Variants in MARCHF1 observed in about 807,000 individuals in gnomAD.
MARCHF1 encodes membrane associated ring-CH-type finger 1, also known as E3 ubiquitin-protein ligase MARCHF1.
In MARCHF1, 40 loss-of-function variants were observed where a neutral mutation model predicts 54.2. That is an observed-to-expected ratio of 0.74 (90% confidence interval 0.57 to 0.96). The LOEUF is 0.96. Ranked by LOEUF, MARCHF1 falls within the 40% of genes least tolerant of loss-of-function variation. MARCHF1 has a pLI of 0.00. For missense variants in MARCHF1, 586 were observed against 656.5 expected, an observed-to-expected ratio of 0.89 and a Z score of 1.17; for synonymous variants, 236 against 236.3, an observed-to-expected ratio of 1.00 and a Z score of 0.01.
At chr4:163,867,634 A>G (rs903699257) in intron 3 of MARCHF1, among the ~76,000 whole-genome samples, 1 of 151,792 alleles carries the variant, frequency 6.6e-6, no homozygotes, top group African/African-American at 2.4e-5. Context: ...CTTTTTTTGC[A>G]GTAGGCTAAT....
intron 4 of MARCHF1, among the ~76,000 whole-genome samples, chr4:163,727,866 A>T (rs1745710739): frequency 6.6e-6 from 1 of 151,456 alleles, no homozygotes; most frequent in Admixed American, 6.6e-5. Context: ...TTTTAATTTT[A>T]TATAGAGATA....
intron 2 of MARCHF1, among the ~76,000 whole-genome samples, chr4:164,061,781 TA>T (rs1020579010): frequency 6.6e-6 from 1 of 152,122 alleles, no homozygotes; most frequent in African/African-American, 2.4e-5. Flanking sequence ...ACTTGATTGA[TA>T]AAAATAATAA....
intron 4 of MARCHF1, among the ~76,000 whole-genome samples, chr4:163,769,314 C>T (rs1054312155): frequency 3.3e-5 from 5 of 152,118 alleles, no homozygotes; most frequent in Non-Finnish European, 7.4e-5. Flanking sequence ...AATCACTTAG[C>T]TATATGTATC....
chr4:164,014,387 A>G (rs1451568051), intron 2 of MARCHF1, among the ~76,000 whole-genome samples: 1 of 152,166 alleles, frequency 6.6e-6, no homozygotes, highest in Non-Finnish European at 1.5e-5. Context: ...CCATAAAACA[A>G]AAACTTATAA....
At position 163,552,798 on chromosome 4, in the gene MARCHF1, C is replaced by T. The variant is rs184713207; in HGVS notation, c.1192-7055G>A. On this transcript the variant is annotated intron_variant, in intron 8 of 9. Coordinates refer to ENST00000514618, the MANE Select transcript of MARCHF1 (RefSeq NM_001394959.1). ...CCTGTAATCCCAGCACTTTGGGAGG[C>T]CCAGGTGGGCAGATCACGAGGTCAG... is the stretch of plus-strand genomic sequence containing the variant. 9.3e-3 allele frequency among the ~76,000 whole-genome samples: 1,421 copies of T among 151,982 alleles called. 21 individuals carry two copies. The highest frequency in any genetic ancestry group is 0.032 in the African/African-American group (1,343 of 41,450).
rs560517945 is a variant in MARCHF1 at position 163,723,631 on chromosome 4, T to C, written c.112-22768A>G. Among the ~76,000 whole-genome samples, 41 of 152,330 alleles carry C rather than the reference T, an allele frequency of 2.7e-4. 1 individual carries two copies. In the South Asian group the frequency reaches 8.1e-3, roughly 30 times the overall value. On this transcript the variant is annotated intron_variant, in intron 4 of 9. Transcript: ENST00000514618. The stretch of plus-strand genomic sequence containing the variant: ...CCCTGAAGAGTGTTTTCCAACTTGG[T>C]TCCATTCTCCCCATCACTTTCAGGT...
At chr4:164,342,401 A>C (rs1358847628) in intron 1 of MARCHF1, among the ~76,000 whole-genome samples, 2 of 152,076 alleles carry the variant, frequency 1.3e-5, no homozygotes, top group Non-Finnish European at 2.9e-5. Context: ...AACATTATGG[A>C]GGTTCCTCAA....
At chr4:163,930,432 T>C (rs543835195) in intron 3 of MARCHF1, among the ~76,000 whole-genome samples, 73 of 151,246 alleles carry the variant, frequency 4.8e-4, no homozygotes, top group Non-Finnish European at 9.4e-4. Flanking sequence ...GATGTTACCT[T>C]AGGAGTTTGG....
chr4:163,941,965 TTC>T (rs1256342456), intron 3 of MARCHF1, among the ~76,000 whole-genome samples: 3 of 152,198 alleles, frequency 2.0e-5, no homozygotes, highest in Non-Finnish European at 2.9e-5. Flanking sequence ...AAGAACTTTC[TTC>T]TCTGTGTTTA....
At chr4:164,282,767 A>G (rs773096078) in intron 1 of MARCHF1, among the ~76,000 whole-genome samples, 12 of 151,262 alleles carry the variant, frequency 7.9e-5, no homozygotes, top group Non-Finnish European at 1.6e-4. Context: ...AACATGATCA[A>G]CAGGCTCTGC....
At chr4:163,871,027 T>C (rs116345775) in intron 3 of MARCHF1, among the ~76,000 whole-genome samples, 2 of 152,128 alleles carry the variant, frequency 1.3e-5, no homozygotes, top group Non-Finnish European at 2.9e-5. Flanking sequence ...ATATTTGAGG[T>C]GATGAATATA....
intron 1 of MARCHF1, among the ~76,000 whole-genome samples, chr4:164,339,153 A>G (rs992397833): frequency 2.6e-5 from 4 of 152,162 alleles, no homozygotes; most frequent in Non-Finnish European, 5.9e-5. Context: ...CACTTTCAAC[A>G]ACGGATAGAT....
chr4:163,677,839 T>C (rs1475067849), intron 5 of MARCHF1, among the ~76,000 whole-genome samples: 1 of 152,202 alleles, frequency 6.6e-6, no homozygotes, highest in Non-Finnish European at 1.5e-5. Context: ...GAGGAAAAGA[T>C]GTAGCTTTGG....
At chr4:164,346,588 A>T (rs1730104749) in intron 1 of MARCHF1, among the ~76,000 whole-genome samples, 1 of 69,922 alleles carries the variant, frequency 1.4e-5, no homozygotes, top group African/African-American at 4.4e-5. Flanking sequence ...ATGTCCTCAA[A>T]CCTGTATGTA....
intron 4 of MARCHF1, among the ~76,000 whole-genome samples, chr4:163,838,044 C>T (rs1749237132): frequency 6.6e-6 from 1 of 152,028 alleles, no homozygotes; most frequent in Non-Finnish European, 1.5e-5. Context: ...CTATTTGGAA[C>T]CAAGTAATAA....
At chr4:164,212,974 C>T (rs1299992017) in intron 1 of MARCHF1, among the ~76,000 whole-genome samples, 2 of 152,132 alleles carry the variant, frequency 1.3e-5, no homozygotes, top group East Asian at 1.9e-4. Context: ...ATTTTTAAAT[C>T]AGTGTTTTGA....
At chr4:164,057,446 TCTC>T (rs1490036653) in intron 2 of MARCHF1, among the ~76,000 whole-genome samples, 1 of 152,200 alleles carries the variant, frequency 6.6e-6, no homozygotes, top group Non-Finnish European at 1.5e-5. Context: ...GATTTTATAA[TCTC>T]CTTCATGTCT....
chr4:163,843,707 C>T (rs1749405225), intron 4 of MARCHF1, among the ~76,000 whole-genome samples: 1 of 152,002 alleles, frequency 6.6e-6, no homozygotes, highest in South Asian at 2.1e-4. Context: ...TTGCCCCCGA[C>T]AGGACCCAGT....
At chr4:164,346,708 C>T (rs1730116319) in intron 1 of MARCHF1, among the ~76,000 whole-genome samples, 1 of 141,838 alleles carries the variant, frequency 7.1e-6, no homozygotes. Flanking sequence ...ATGAAAAATG[C>T]TTATTCTTTT....
Sources: allele counts gnomAD v4.1 joint callset (sites outside exome capture counted in the v4.1 genomes callset), GRCh38; gene constraint gnomAD v4.1.1; transcripts MANE v1.5; gene names NCBI Gene and HGNC (gene_info 2026-07-23, HGNC 2026-07-21).